Variants in TAF8 observed in about 807,000 individuals in gnomAD.
TAF8 encodes TATA-box binding protein associated factor 8, also known as transcription initiation factor TFIID subunit 8.
TAF8 carries 47 observed loss-of-function variants against 36.5 expected under a neutral mutation model. That is an observed-to-expected ratio of 1.29 (90% CI 1.02 to 1.64). The LOEUF (loss-of-function observed/expected upper bound fraction) is 1.64, where lower values mean the gene tolerates loss of function less well. Ranked by LOEUF, TAF8 falls within the 40% of genes most tolerant of loss-of-function variation. The pLI is 0.00. For synonymous variants in TAF8, 175 were observed against 159.5 expected (o/e 1.10, Z -0.73); for missense variants, 420 against 407.6 (o/e 1.03, Z -0.26).
chr6:42,055,772 C>G, intron 3 of TAF8, 143 bp downstream of exon 3: 1 of 774,740 alleles, frequency 1.3e-6, no homozygotes, highest in South Asian at 1.6e-5. Flanking sequence ...AAGAGAGATT[C>G]CTCTGAACAC....
Position 42,077,683 on chromosome 6 carries a change from G to T in TAF8, c.*138G>T. ...GGTGTGATCGGACATGATTTTCATG[G>T]CAAACCGTCTTATTAAGATGACCTA... is the stretch of plus-strand genomic sequence containing the variant. On this transcript the variant is annotated 3_prime_UTR_variant, in exon 9 of 9. Transcript: ENST00000372977. The T allele has an allele frequency of 6.6e-7, 1 of 1,510,448 alleles. No homozygotes were observed. Among genetic ancestry groups the T allele is most frequent in the Non-Finnish European group, 8.8e-7 (1 of 1,131,430 alleles). The allele number at this position is 1,510,448 out of a possible 1,614,324, so 93.6% of individuals were successfully genotyped here.
At chr6:42,054,588 A>G (rs1282954067) in intron 2 of TAF8, among the ~76,000 whole-genome samples, 1 of 151,976 alleles carries the variant, frequency 6.6e-6, no homozygotes, top group East Asian at 1.9e-4. Flanking sequence ...ACCTTATTTC[A>G]CTTAGCATAA....
intron 6 of TAF8, among the ~76,000 whole-genome samples, chr6:42,067,501 C>T (rs1765406458): frequency 6.6e-6 from 1 of 152,156 alleles, no homozygotes; most frequent in South Asian, 2.1e-4. Flanking sequence ...AGGCATGAGC[C>T]ACCACACCCA....
chr6:42,079,244 G>T lies in TAF8; in HGVS notation c.*1699G>T. The T allele has an allele frequency of 1.0e-6, 1 of 985,616 alleles. No individual in the cohort carries two copies. The highest frequency in any genetic ancestry group is 1.2e-6 in the Non-Finnish European group (1 of 830,018). 61.1% of individuals were successfully genotyped at this position (985,616 alleles called of 1,614,324 possible). A position where few individuals can be genotyped will look rare whatever the true frequency, so the allele number is the denominator to read the frequency against. ...TGAGAAACGGCTGGTCAGCTGGAAGGCTGGTGGATGGGCAGGAGTGAGCCA... is the reference window on the plus strand; with the variant it reads ...TGAGAAACGGCTGGTCAGCTGGAAGTCTGGTGGATGGGCAGGAGTGAGCCA... On this transcript the variant is annotated 3_prime_UTR_variant, in exon 9 of 9. Transcript: ENST00000372977.
chr6:42,079,625 C>T lies in TAF8; in HGVS notation c.*2080C>T, dbSNP rs1369335088. ...TCGCCCCAGCTGGAGTATAGTGGCA[C>T]TACCTCGGCTCACTGCAACCTCCAC... On this transcript the variant is annotated 3_prime_UTR_variant, in exon 9 of 9. Transcript: ENST00000372977. 45 of 949,340 alleles carry T rather than the reference C, an allele frequency of 4.7e-5. No homozygotes were observed. The highest frequency in any genetic ancestry group is 9.7e-5 in the South Asian group (2 of 20,534). The allele number at this position is 949,340 out of a possible 1,614,324, so 58.8% of individuals were successfully genotyped here. A position where few individuals can be genotyped will look rare whatever the true frequency, so the allele number is the denominator to read the frequency against.
chr6:42,053,432 G>C (rs1020027018), intron 2 of TAF8, among the ~76,000 whole-genome samples: 1 of 151,998 alleles, frequency 6.6e-6, no homozygotes, highest in Non-Finnish European at 1.5e-5. Context: ...GGATGTGGTG[G>C]CGGGCGCCTG....
intron 7 of TAF8, among the ~76,000 whole-genome samples, chr6:42,076,771 G>A (rs950675565): frequency 3.9e-5 from 6 of 152,068 alleles, no homozygotes; most frequent in Admixed American, 1.3e-4. Context: ...CCACCTGGCC[G>A]GGCATCCTCC....
At chr6:42,060,468 C>CTCA (rs1332973196) in intron 5 of TAF8, among the ~76,000 whole-genome samples, 7 of 152,310 alleles carry the variant, frequency 4.6e-5, no homozygotes, top group African/African-American at 1.7e-4. Context: ...CATGAAGAAT[C>CTCA]TCAGATAAGA....
rs570222543 is a variant in TAF8 at position 42,055,829 on chromosome 6, T to G, written c.302-123T>G. On this transcript the variant is annotated intron_variant, in intron 3 of 8. Transcript: ENST00000372977. ...CCTGTTAGGGAATTCTGCCAGAGCT[T>G]CTTTTGCGTGGCTGCAAGGTCATTG... The G allele has an allele frequency of 1.5e-4, 120 of 790,138 alleles. 1 individual carries two copies. In the South Asian group the frequency reaches 1.6e-3, roughly 10 times the overall value. 48.9% of individuals were successfully genotyped at this position (790,138 alleles called of 1,614,324 possible). A position where few individuals can be genotyped will look rare whatever the true frequency, so the allele number is the denominator to read the frequency against.
At position 42,078,548 on chromosome 6, in the gene TAF8, G is replaced by T. The variant is rs1273669482; in HGVS notation, c.*1003G>T. 2.2e-5 allele frequency: 22 copies of T among 985,400 alleles called. No individual in the cohort carries two copies. Among genetic ancestry groups the T allele is most frequent in the Non-Finnish European group, 2.7e-5 (22 of 829,968 alleles). The allele number at this position is 985,400 out of a possible 1,614,324, so 61.0% of individuals were successfully genotyped here. A position where few individuals can be genotyped will look rare whatever the true frequency, so the allele number is the denominator to read the frequency against. On this transcript the variant is annotated 3_prime_UTR_variant, in exon 9 of 9. Coordinates refer to ENST00000372977, the MANE Select transcript of TAF8 (RefSeq NM_138572.3). ...GGCCACACAGCACAGCTTTGTTTGG[G>T]GTGGGCAGGAGTCAGGAGTCTTGAG...
Position 42,055,959 on chromosome 6 carries a change from T to G in TAF8, c.309T>G (p.Asn103Lys), listed in dbSNP as rs1262993724. 1.9e-6 allele frequency: 3 copies of G among 1,612,122 alleles called. No individual in the cohort carries two copies. Among genetic ancestry groups the G allele is most frequent in the Non-Finnish European group, 1.7e-6 (2 of 1,178,100 alleles). The change falls in exon 4 of 9, where the codon AAT becomes AAG. Residue 103 changes from asparagine (N) to lysine (K), a missense_variant. Transcript: ENST00000372977. ...IVVTLVEMGFNVDTLPAYAKR... is the reference protein window; with the variant it reads ...IVVTLVEMGFKVDTLPAYAKR... ...TGTTTTCCTGTCTCTTAGGTTTCAA[T>G]GTGGACACTCTCCCTGCTTATGCAA...
downstream of TAF8, among the ~76,000 whole-genome samples, chr6:42,083,566 T>C (rs564247073): frequency 6.3e-4 from 96 of 152,296 alleles, no homozygotes; most frequent in African/African-American, 2.3e-3. Context: ...GCGGTTTTAT[T>C]TGAGTTGGAG....
chr6:42,069,011 A>G (rs79538805), intron 7 of TAF8, among the ~76,000 whole-genome samples: 4,499 of 152,120 alleles, frequency 0.03, 187 homozygotes, highest in African/African-American at 0.096. Context: ...AGGCATGGAC[A>G]TGTCTGGGGG....
chr6:42,059,319 C>G (rs1167999749), intron 5 of TAF8, among the ~76,000 whole-genome samples: 3 of 151,534 alleles, frequency 2.0e-5, no homozygotes, highest in Non-Finnish European at 4.4e-5. Context: ...GGAGGCAGAG[C>G]TTGCAGTGAG....
intron 7 of TAF8, among the ~76,000 whole-genome samples, chr6:42,069,299 T>G (rs1765479453): frequency 6.6e-6 from 1 of 151,966 alleles, no homozygotes; most frequent in Non-Finnish European, 1.5e-5. Flanking sequence ...GCTAACAGGG[T>G]CAGTCAGGTT....
chr6:42,059,308 G>A (rs1205103728), intron 5 of TAF8, among the ~76,000 whole-genome samples: 6 of 151,996 alleles, frequency 3.9e-5, no homozygotes, highest in African/African-American at 7.3e-5. Flanking sequence ...GTGTGAACCC[G>A]GGAGGCAGAG....
intron 7 of TAF8, among the ~76,000 whole-genome samples, chr6:42,070,159 C>G (rs534788397): frequency 6.6e-6 from 1 of 152,208 alleles, no homozygotes; most frequent in African/African-American, 2.4e-5. Flanking sequence ...ATAGCAGCCA[C>G]TAGCCACGTG....
chr6:42,078,554 C>T lies in TAF8; in HGVS notation c.*1009C>T. 5 of 985,518 alleles carry T rather than the reference C, an allele frequency of 5.1e-6. No homozygotes were observed. Among genetic ancestry groups the T allele is most frequent in the Non-Finnish European group, 6.0e-6 (5 of 829,946 alleles). 61.0% of individuals were successfully genotyped at this position (985,518 alleles called of 1,614,324 possible). ...ACAGCACAGCTTTGTTTGGGGTGGG[C>T]AGGAGTCAGGAGTCTTGAGCAGATG... On this transcript the variant is annotated 3_prime_UTR_variant, in exon 9 of 9. Coordinates refer to ENST00000372977, the MANE Select transcript of TAF8 (RefSeq NM_138572.3).
Position 42,079,393 on chromosome 6 carries a change from G to T in TAF8, c.*1848G>T. On this transcript the variant is annotated 3_prime_UTR_variant, in exon 9 of 9. Coordinates refer to ENST00000372977, the MANE Select transcript of TAF8 (RefSeq NM_138572.3). ...AAACAAGTTTTTAAGGAAGATGCTGGGCATGCTGATAGCTTTTCTGGTCTC... is the reference window on the plus strand; with the variant it reads ...AAACAAGTTTTTAAGGAAGATGCTGTGCATGCTGATAGCTTTTCTGGTCTC... 14 of 985,332 alleles carry T rather than the reference G, an allele frequency of 1.4e-5. No homozygotes were observed. The highest frequency in any genetic ancestry group is 1.7e-5 in the Non-Finnish European group (14 of 829,910). 61.0% of individuals were successfully genotyped at this position (985,332 alleles called of 1,614,324 possible).
Sources: allele counts gnomAD v4.1 joint callset (sites outside exome capture counted in the v4.1 genomes callset), GRCh38; gene constraint gnomAD v4.1.1; transcripts MANE v1.5; gene names NCBI Gene and HGNC (gene_info 2026-07-23, HGNC 2026-07-21).